ANO10: variants seen among roughly 807,000 people sequenced by gnomAD.
ANO10 encodes the protein anoctamin-10.
In ANO10, 77 loss-of-function variants were observed where a neutral mutation model predicts 74.7. That is an observed-to-expected ratio of 1.03 (90% CI 0.86 to 1.25). ANO10 has a LOEUF of 1.25. Ranked by LOEUF, ANO10 falls within the 50% of genes most tolerant of loss-of-function variation. The probability of loss-of-function intolerance (pLI) is 0.00; values close to 1 mark genes in which losing one functional copy is unlikely to be tolerated. For synonymous variants in ANO10, 279 were observed against 284.9 expected (o/e 0.98, Z 0.21); for missense variants, 721 against 778.1 (o/e 0.93, Z 0.87).
In ANO10 at chr3:43,555,295, T is replaced by C; in HGVS notation, c.1651A>G (p.Asn551Asp). The change falls in exon 10 of 13, where the codon AAT (asparagine) becomes GAT (aspartate). Residue 551 changes from asparagine (N) to aspartate (D), a missense_variant. Transcript: ENST00000292246. ...ACAATTACCTGCCACACACCAATAT[T>C]GGCTGAAGGTTCTGAGAATGGACGT... is the stretch of plus-strand genomic sequence containing the variant. ...FKRPFSEPSA[N>D]IGVWQLAFET... is the part of the protein sequence containing the mutation. 6.2e-7 allele frequency: 1 copy of C among 1,614,120 alleles called. No homozygotes were observed. Among genetic ancestry groups the C allele is most frequent in the Non-Finnish European group, 8.5e-7 (1 of 1,179,980 alleles).
chr3:43,383,440 C>T (rs1257458296), intron 12 of ANO10, among the ~76,000 whole-genome samples: 9 of 130,776 alleles, frequency 6.9e-5, no homozygotes, highest in East Asian at 2.2e-4. Context: ...GGCAACAGAG[C>T]GAGACTCTGT....
intron 11 of ANO10, among the ~76,000 whole-genome samples, chr3:43,475,765 A>T (rs767813729): frequency 2.0e-5 from 3 of 151,950 alleles, no homozygotes; most frequent in Non-Finnish European, 4.4e-5. Context: ...CACCTGGCAA[A>T]GTTTTTTTTA....
intron 12 of ANO10, among the ~76,000 whole-genome samples, chr3:43,428,466 T>C (rs1487909736): frequency 6.6e-5 from 10 of 152,136 alleles, no homozygotes; most frequent in Admixed American, 5.9e-4. Context: ...ACAACACTCA[T>C]CATTGCTGTC....
At chr3:43,463,729 T>C (rs2075490429) in intron 11 of ANO10, among the ~76,000 whole-genome samples, 1 of 152,210 alleles carries the variant, frequency 6.6e-6, no homozygotes, top group Admixed American at 6.5e-5. Context: ...GAGTGGACTG[T>C]GGACTTCTGA....
chr3:43,547,373 G>A (rs1237923698), intron 11 of ANO10, among the ~76,000 whole-genome samples: 1 of 152,082 alleles, frequency 6.6e-6, no homozygotes, highest in African/African-American at 2.4e-5. Flanking sequence ...TATTATAGAT[G>A]GCTTAAAACA....
In ANO10 at chr3:43,432,944, C is replaced by CTTTTTTTTTTTTTTTTTTTTTTTTT. The variant is rs5848663; in HGVS notation, c.1798-242_1798-218dup. Among the ~76,000 whole-genome samples the CTTTTTTTTTTTTTTTTTTTTTTTTT allele has an allele frequency of 5.8e-4, 32 of 55,276 alleles. 9 individuals carry two copies. The highest frequency in any genetic ancestry group is 9.6e-4 in the Non-Finnish European group (29 of 30,062). The allele number at this position is 55,276 out of a possible 152,430, so 36.3% of individuals were successfully genotyped here. The stretch of plus-strand genomic sequence containing the variant: ...CAGTAATTACTGACTTTGCTTAATT[C>CTTTTTTTTTTTTTTTTTTTTTTTTT]TTTTTTTTTTTTTTTTTTTTTTTTT... On this transcript the variant is annotated intron_variant, in intron 11 of 12. Coordinates refer to ENST00000292246, the MANE Select transcript of ANO10 (RefSeq NM_018075.5).
intron 5 of ANO10, among the ~76,000 whole-genome samples, chr3:43,579,516 G>C (rs768108113): frequency 6.6e-6 from 1 of 152,122 alleles, no homozygotes; most frequent in Non-Finnish European, 1.5e-5. Context: ...TCAGGAGTTC[G>C]AAACTAGCCT....
chr3:43,532,586 A>T lies in ANO10; in HGVS notation c.1797+17134T>A, dbSNP rs190819357. Among the ~76,000 whole-genome samples the T allele has an allele frequency of 5.3e-5, 8 of 152,308 alleles. No individual in the cohort carries two copies. In the East Asian group the frequency reaches 1.4e-3, roughly 26 times the overall value. On this transcript the variant is annotated intron_variant, in intron 11 of 12. Transcript: ENST00000292246. The stretch of plus-strand genomic sequence containing the variant: ...AAATTGTTTTTTATATCATATAATA[A>T]AATTGACTGGTGTATTGTTTTATGA...
At chr3:43,430,984 C>T (rs1294293692) in intron 12 of ANO10, among the ~76,000 whole-genome samples, 3 of 151,748 alleles carry the variant, frequency 2.0e-5, no homozygotes, top group East Asian at 3.8e-4. Context: ...AAAAGAAACA[C>T]GATTTTAGAT....
intron 5 of ANO10, 148 bp downstream of exon 5, chr3:43,580,205 T>G: frequency 1.0e-6 from 1 of 978,604 alleles, no homozygotes; most frequent in Non-Finnish European, 1.6e-6. Context: ...TCTTATTCCC[T>G]CCATCAAAAT....
intron 4 of ANO10, among the ~76,000 whole-genome samples, chr3:43,594,829 T>A (rs13097050): frequency 6.6e-6 from 1 of 151,880 alleles, no homozygotes; most frequent in Non-Finnish European, 1.5e-5. Flanking sequence ...CAGGAGCTGG[T>A]TTTTTGAAAA....
chr3:43,566,264 C>T (rs1218472967), intron 7 of ANO10, among the ~76,000 whole-genome samples: 5 of 152,158 alleles, frequency 3.3e-5, no homozygotes, highest in Non-Finnish European at 5.9e-5. Context: ...GGGGGAGGGG[C>T]GCCCGCCATT....
At chr3:43,522,863 T>G (rs1161530334) in intron 11 of ANO10, among the ~76,000 whole-genome samples, 1 of 152,078 alleles carries the variant, frequency 6.6e-6, no homozygotes, top group Non-Finnish European at 1.5e-5. Context: ...GTCAGCTGAG[T>G]GGATTCTGCA....
At chr3:43,380,901 T>C (rs945716574) in intron 12 of ANO10, among the ~76,000 whole-genome samples, 1 of 152,220 alleles carries the variant, frequency 6.6e-6, no homozygotes, top group Non-Finnish European at 1.5e-5. Context: ...CAAGACTGGA[T>C]AATTTACAAA....
At position 43,543,947 on chromosome 3, in the gene ANO10, G is replaced by C. The variant is rs114172118; in HGVS notation, c.1797+5773C>G. 4.7e-3 allele frequency among the ~76,000 whole-genome samples: 717 copies of C among 152,046 alleles called. 5 individuals are homozygous for C. The highest frequency in any genetic ancestry group is 0.017 in the African/African-American group (689 of 41,490). The stretch of plus-strand genomic sequence containing the variant: ...GTCAGTAATTCAACATGTCTGATAG[G>C]TACATCTTGCCAAGTTTAGAATTAA... On this transcript the variant is annotated intron_variant, in intron 11 of 12. Coordinates refer to ENST00000292246, the MANE Select transcript of ANO10 (RefSeq NM_018075.5).
intron 11 of ANO10, among the ~76,000 whole-genome samples, chr3:43,497,749 G>A (rs915152019): frequency 1.1e-4 from 17 of 152,092 alleles, no homozygotes; most frequent in African/African-American, 2.4e-4. Context: ...GCAGCATGGA[G>A]GGGGATTTGT....
intron 4 of ANO10, among the ~76,000 whole-genome samples, chr3:43,593,454 T>G (rs575800911): frequency 6.6e-6 from 1 of 152,322 alleles, no homozygotes; most frequent in South Asian, 2.1e-4. Flanking sequence ...GGGCCAATAT[T>G]CAACATTCTT....
chr3:43,515,955 T>C (rs1234729335), intron 11 of ANO10, among the ~76,000 whole-genome samples: 2 of 152,164 alleles, frequency 1.3e-5, no homozygotes, highest in African/African-American at 4.8e-5. Context: ...CATGCAAAAC[T>C]GCCTCTTCTG....
chr3:43,501,913 C>T (rs2077113871), intron 11 of ANO10, among the ~76,000 whole-genome samples: 2 of 152,158 alleles, frequency 1.3e-5, no homozygotes, highest in Admixed American at 1.3e-4. Flanking sequence ...ACAAGAACAC[C>T]AGTATCAACG....
Sources: gnomAD v4.1 joint callset for allele counts (sites outside exome capture counted in the v4.1 genomes callset) on GRCh38, gnomAD v4.1.1 for gene constraint, MANE v1.5 for transcripts, NCBI Gene and HGNC (gene_info 2026-07-23, HGNC 2026-07-21) for gene names.